Variants in YLPM1 observed in about 807,000 individuals in gnomAD.
YLPM1 encodes YLP motif-containing protein 1.
YLPM1 carries 99 observed loss-of-function variants against 230.0 expected under a neutral mutation model. That is an observed-to-expected ratio of 0.43 (90% CI 0.37 to 0.51). The LOEUF (loss-of-function observed/expected upper bound fraction) is 0.51, where lower values mean the gene tolerates loss of function less well. Among genes scored for constraint, YLPM1 ranks in the 20% least tolerant of loss-of-function variants. YLPM1 has a pLI of 0.00. For missense variants in YLPM1, 2,592 were observed against 2,707.7 expected (o/e 0.96, Z 0.95); for synonymous variants, 984 against 942.5 (o/e 1.04, Z -0.81).
In YLPM1 at chr14:74,799,249, G is replaced by A. The variant is rs1555367540; in HGVS notation, c.3952G>A (p.Glu1318Lys). ...CAGAGATTATGGGAGACCACTGGAT[G>A]AACAAGAATCACAGTTTCGTGAACG... Reference protein sequence around the residue: ...WDRDYGRPLDEQESQFRERDI... With the variant: ...WDRDYGRPLDKQESQFRERDI... The change falls in exon 5 of 21, where the codon GAA (glutamate) becomes AAA (lysine). Residue 1318 changes from glutamate (E) to lysine (K), a missense_variant. By Grantham distance (56) the Glu-to-Lys change is moderately conservative. Around this residue, in one of 4 missense-constraint regions of YLPM1, gnomAD observed 1,862 missense variants for 1,819.8 expected, o/e 1.02. Coordinates refer to ENST00000325680, the MANE Select transcript of YLPM1 (RefSeq NM_019589.3). The A allele has an allele frequency of 9.9e-6, 16 of 1,614,000 alleles. 1 individual carries two copies. The South Asian group carries it at 1.5e-4, about 16-fold the overall frequency.
At chr14:74,827,432 T>G (rs1298991441) in intron 18 of YLPM1, 33 of 985,294 alleles carry the variant, frequency 3.3e-5, no homozygotes, top group Admixed American at 6.2e-5. Context: ...TTAAACATAT[T>G]TGCACAATAA....
At chr14:74,835,595 T>G in intron 20 of YLPM1, 148 bp downstream of exon 20, 2 of 721,100 alleles carry the variant, frequency 2.8e-6, no homozygotes, top group Non-Finnish European at 4.4e-6. Flanking sequence ...TTGTTAACAT[T>G]TACAATACTA....
rs200275032 is a variant in YLPM1 at position 74,797,629 on chromosome 14, C to T, written c.2332C>T (p.Pro778Ser). Residue 778 changes from proline (P) to serine (S), a missense_variant, in exon 5 of 21, where the codon CCG (proline) becomes TCG (serine). By Grantham distance (74) the Pro-to-Ser change is moderately conservative. Around this residue, in one of 4 missense-constraint regions of YLPM1, gnomAD observed 1,862 missense variants for 1,819.8 expected, o/e 1.02. Transcript: ENST00000325680. ...FEDLGSRCEG[P>S]RPKGPRFEGN... ...GGATTTAGGGTCAAGGTGTGAAGGA[C>T]CGAGACCCAAAGGGCCTCGTTTTGA... The T allele has an allele frequency of 1.3e-6, 2 of 1,550,412 alleles. No individual in the cohort carries two copies. The highest frequency in any genetic ancestry group is 1.7e-6 in the Non-Finnish European group (2 of 1,150,102).
At position 74,782,094 on chromosome 14, in the gene YLPM1, C is replaced by T; in HGVS notation, c.2051C>T (p.Thr684Ile). 4 of 1,614,044 alleles carry T rather than the reference C, an allele frequency of 2.5e-6. No homozygotes were observed. The South Asian group carries it at 4.4e-5, about 18-fold the overall frequency. ...PVSFGSAPPT[T>I]YHPPLQSAGP... ...TCTTTTGGTTCTGCCCCACCGACAA[C>T]TTACCATCCTCCGTTGCAATCAGCT... Residue 684 changes from threonine to isoleucine, a missense_variant, in exon 4 of 21, where the codon ACT becomes ATT. Around this residue, in one of 4 missense-constraint regions of YLPM1, gnomAD observed 1,862 missense variants for 1,819.8 expected, o/e 1.02. Transcript: ENST00000325680.
rs1289422571 is a variant in YLPM1, at chr14:74,798,247, C to T, written c.2950C>T (p.Pro984Ser). The change falls in exon 5 of 21, where the codon CCT becomes TCT. Residue 984 changes from proline (P) to serine (S), a missense_variant. By Grantham distance (74) the Pro-to-Ser change is moderately conservative. Coordinates refer to ENST00000325680, the MANE Select transcript of YLPM1 (RefSeq NM_019589.3). ...ATTAACAGCAGATAATGATTTTAAA[C>T]CTGTGGGTATTGGTCTACCCCATTC... ...SSLTADNDFK[P>S]VGIGLPHSEN... 10 of 1,613,802 alleles carry T rather than the reference C, an allele frequency of 6.2e-6. No individual in the cohort carries two copies. Among genetic ancestry groups the T allele is most frequent in the South Asian group, 1.1e-5 (1 of 91,080 alleles).
Position 74,763,622 on chromosome 14 carries a change from CCCT to C in YLPM1, c.141_143del (p.Ser48del), listed in dbSNP as rs1190388177. 3 of 1,591,836 alleles carry C rather than the reference CCCT, an allele frequency of 1.9e-6. No individual in the cohort carries two copies. Among genetic ancestry groups the C allele is most frequent in the Admixed American group, 3.4e-5 (2 of 58,468 alleles). ...CTCGAGCTCGACGACTCCCGCGGCCCCCTCCTCCTCGGGCTTCATGAGCTTCCG... is the reference window on the plus strand; with the variant it reads ...CTCGAGCTCGACGACTCCCGCGGCCCCCTCCTCGGGCTTCATGAGCTTCCG... On this transcript the variant is annotated inframe_deletion, in exon 1 of 21. Coordinates refer to ENST00000325680, the MANE Select transcript of YLPM1 (RefSeq NM_019589.3).
chr14:74,830,529 ACAAT>A (rs1321713246), intron 19 of YLPM1, among the ~76,000 whole-genome samples: 1 of 152,174 alleles, frequency 6.6e-6, no homozygotes, highest in Non-Finnish European at 1.5e-5. Context: ...GTTTGGTTGT[ACAAT>A]CAGTTATTTA....
intron 11 of YLPM1, 46 bp downstream of exon 11, chr14:74,812,828 A>G: frequency 6.3e-7 from 1 of 1,575,698 alleles, no homozygotes; most frequent in Non-Finnish European, 8.6e-7. Flanking sequence ...CCAGAAGATA[A>G]GAGATCTTGT....
chr14:74,809,745 A>G lies in YLPM1; in HGVS notation c.4887A>G (p.Pro1629=). The G allele has an allele frequency of 6.2e-7, 1 of 1,614,026 alleles. No individual in the cohort carries two copies. Among genetic ancestry groups the G allele is most frequent in the Non-Finnish European group, 8.5e-7 (1 of 1,179,902 alleles). ...PPGPVPMGMP[P]MSKPPPVQQT... ...GCCCAGTGCCTATGGGTATGCCACC[A>G]ATGTCCAAGCCACCACCAGTACAAC... The change falls in exon 7 of 21, where the codon CCA becomes CCG. Residue 1629 remains proline, a synonymous_variant. Coordinates refer to ENST00000325680, the MANE Select transcript of YLPM1 (RefSeq NM_019589.3).
At chr14:74,801,117 T>C (rs530344675) in intron 5 of YLPM1, among the ~76,000 whole-genome samples, 1 of 152,230 alleles carries the variant, frequency 6.6e-6, no homozygotes, top group African/African-American at 2.4e-5. Flanking sequence ...TAATTCGTTA[T>C]TGCTTTGCAT....
chr14:74,816,085 T>C, intron 11 of YLPM1, 118 bp from the exon 12 acceptor site: 1 of 807,290 alleles, frequency 1.2e-6, no homozygotes, highest in African/African-American at 1.7e-5. Flanking sequence ...TGAAGGTTTG[T>C]TTCATGGCCT....
chr14:74,828,573 G>T (rs891819266), intron 18 of YLPM1, among the ~76,000 whole-genome samples: 2 of 152,130 alleles, frequency 1.3e-5, no homozygotes, highest in African/African-American at 2.4e-5. Flanking sequence ...GAATTACCAG[G>T]TCTGGTAAAA....
At chr14:74,797,288 G>A (rs1594824702) in intron 4 of YLPM1, among the ~76,000 whole-genome samples, 1 of 151,710 alleles carries the variant, frequency 6.6e-6, no homozygotes, top group East Asian at 1.9e-4. Flanking sequence ...ACTGCGCCAG[G>A]CCTGTAATTG....
chr14:74,813,703 C>A (rs889038756), intron 11 of YLPM1, among the ~76,000 whole-genome samples: 3 of 152,018 alleles, frequency 2.0e-5, no homozygotes, highest in African/African-American at 7.3e-5. Flanking sequence ...GCCTGTCACC[C>A]AAAAAGTGAA....
At chr14:74,814,696 T>A (rs1191342582) in intron 11 of YLPM1, among the ~76,000 whole-genome samples, 1 of 152,220 alleles carries the variant, frequency 6.6e-6, no homozygotes, top group African/African-American at 2.4e-5. Context: ...ATAGGAGATA[T>A]TGTAGTTTTC....
chr14:74,765,432 A>G (rs1289908319), intron 1 of YLPM1, among the ~76,000 whole-genome samples: 1 of 152,238 alleles, frequency 6.6e-6, no homozygotes, highest in Non-Finnish European at 1.5e-5. Context: ...AGTTGTTTTA[A>G]GAAATGATGC....
At chr14:74,785,662 T>A (rs1284505850) in intron 4 of YLPM1, among the ~76,000 whole-genome samples, 2 of 152,216 alleles carry the variant, frequency 1.3e-5, no homozygotes, top group South Asian at 2.1e-4. Context: ...CCACTTTTTT[T>A]AAATAATCAA....
rs536165006 is a variant in YLPM1 at position 74,808,773 on chromosome 14, C to T, written c.4522-607C>T. On this transcript the variant is annotated intron_variant, in intron 6 of 20. Transcript: ENST00000325680. The stretch of plus-strand genomic sequence containing the variant: ...GAGCTGAGATCGCGCCATTGCAGTC[C>T]AGCCTGAGCAACAAGAGTGAAACTC... Among the ~76,000 whole-genome samples, 16 of 148,868 alleles carry T rather than the reference C, an allele frequency of 1.1e-4. No homozygotes were observed. In the East Asian group the frequency reaches 3.1e-3, roughly 29 times the overall value.
rs773261655 is a variant in YLPM1 at position 74,799,332 on chromosome 14, A to G, written c.4035A>G (p.Arg1345=). The change falls in exon 5 of 21, where the codon AGA becomes AGG. Residue 1345 remains arginine (R), a synonymous_variant. Transcript: ENST00000325680. ...PPLPPLPPLD[R]YRDDRWREER... ...TCCCACCTCTTCCACCTTTGGATAG[A>G]TATCGGGATGATAGATGGAGAGAAG... The G allele has an allele frequency of 1.2e-6, 2 of 1,613,884 alleles. No individual in the cohort carries two copies. Among genetic ancestry groups the G allele is most frequent in the African/African-American group, 2.7e-5 (2 of 74,928 alleles).
Sources: allele counts gnomAD v4.1 joint callset (sites outside exome capture counted in the v4.1 genomes callset), GRCh38; gene constraint gnomAD v4.1.1; regional missense constraint gnomAD v4.1.1; transcripts MANE v1.5; gene names NCBI Gene and HGNC (gene_info 2026-07-23, HGNC 2026-07-21).